The following TTBK2 variants were observed in gnomAD, a reference collection of about 807,000 sequenced individuals.
TTBK2 encodes tau tubulin kinase 2.
Under a neutral mutation model 110.8 loss-of-function variants are expected in TTBK2, and 28 were observed. The observed-to-expected ratio is 0.25, with a 90% CI of 0.19 to 0.35. TTBK2 has a LOEUF of 0.35. TTBK2 is among the 10% of genes least tolerant of loss of function. The pLI, the probability that TTBK2 is intolerant of heterozygous loss-of-function variation, is 1.00. For missense variants in TTBK2, 1,369 were observed against 1,500.3 expected (o/e 0.91, Z 1.45); for synonymous variants, 532 against 527.3 (o/e 1.01, Z -0.12).
At chr15:42,835,229 G>A (rs1051285955) in intron 4 of TTBK2, among the ~76,000 whole-genome samples, 1 of 152,100 alleles carries the variant, frequency 6.6e-6, no homozygotes, top group Non-Finnish European at 1.5e-5. Flanking sequence ...TAAAATGGAT[G>A]GATCAGACTG....
At chr15:42,771,128 C>A (rs140656577) in intron 13 of TTBK2, among the ~76,000 whole-genome samples, 62 of 152,138 alleles carry the variant, frequency 4.1e-4, no homozygotes, top group African/African-American at 1.5e-3. Context: ...GTGCTGCCAC[C>A]ACGCCTGGCT....
intron 3 of TTBK2, among the ~76,000 whole-genome samples, chr15:42,864,263 C>T (rs1207286643): frequency 1.3e-5 from 2 of 152,120 alleles, no homozygotes; most frequent in Non-Finnish European, 2.9e-5. Context: ...TATTTTAAAA[C>T]AGGCAAAGGA....
Position 42,865,624 on chromosome 15 carries a change from G to T in TTBK2, c.217+6987C>A, listed in dbSNP as rs554492138. On this transcript the variant is annotated intron_variant, in intron 3 of 14. Coordinates refer to ENST00000267890, the MANE Select transcript of TTBK2 (RefSeq NM_173500.4). ...GATCACCTGAGGCCAGGAGTTGGGG[G>T]CCGGTCTGGGCAACATAGCGAGACT... Among the ~76,000 whole-genome samples the T allele has an allele frequency of 2.1e-4, 32 of 151,464 alleles. 1 individual carries two copies. The highest frequency in any genetic ancestry group is 1.2e-3 in the Admixed American group (19 of 15,228).
At chr15:42,876,025 A>G (rs1254354047) in intron 2 of TTBK2, among the ~76,000 whole-genome samples, 1 of 151,820 alleles carries the variant, frequency 6.6e-6, no homozygotes, top group Non-Finnish European at 1.5e-5. Context: ...AGAGCTAAGG[A>G]CCTCAAGATA....
chr15:42,818,922 C>CAA (rs563663271), intron 6 of TTBK2, among the ~76,000 whole-genome samples: 6 of 119,716 alleles, frequency 5.0e-5, no homozygotes, highest in Non-Finnish European at 1.1e-4. Flanking sequence ...GACTCCGTCT[C>CAA]AAAAAAAAAA....
At chr15:42,919,648 G>T in intron 1 of TTBK2, 1 of 238,302 alleles carries the variant, frequency 4.2e-6, no homozygotes, top group Non-Finnish European at 6.8e-6. Flanking sequence ...CCTCTTTAAT[G>T]TTCAAAGAAA....
At chr15:42,783,283 C>G in intron 11 of TTBK2, 136 bp downstream of exon 11, 1 of 782,996 alleles carries the variant, frequency 1.3e-6, no homozygotes, top group Non-Finnish European at 2.2e-6. Context: ...TCCCCATCTA[C>G]CACATGAGGA....
At chr15:42,899,520 C>T (rs973952154) in intron 1 of TTBK2, among the ~76,000 whole-genome samples, 34 of 152,146 alleles carry the variant, frequency 2.2e-4, no homozygotes, top group Admixed American at 3.9e-4. Flanking sequence ...GCAGGCGGAT[C>T]ACGAGGTCAG....
At chr15:42,884,122 C>T (rs9806175) in intron 1 of TTBK2, among the ~76,000 whole-genome samples, 70,068 of 151,930 alleles carry the variant, frequency 0.46, 20,925 homozygotes, top group African/African-American at 0.86. Flanking sequence ...AAATAAAAAT[C>T]AATGAACTGA....
chr15:42,824,135 G>A lies in TTBK2; in HGVS notation c.537+3793C>T, dbSNP rs376064983. ...CACGACCCCTCCGCTCCCAAGGGAG[G>A]GGAGTGATCTATTCATGCGTGATCC... On this transcript the variant is annotated intron_variant, in intron 6 of 14. Coordinates refer to ENST00000267890, the MANE Select transcript of TTBK2 (RefSeq NM_173500.4). 7.0e-4 allele frequency among the ~76,000 whole-genome samples: 107 copies of A among 152,208 alleles called. 3 individuals carry two copies. In the South Asian group the frequency reaches 0.022, roughly 31 times the overall value.
intron 1 of TTBK2, among the ~76,000 whole-genome samples, chr15:42,907,797 G>C (rs1341403078): frequency 6.6e-6 from 1 of 151,710 alleles, no homozygotes; most frequent in African/African-American, 2.4e-5. Context: ...TTTTTGGCTG[G>C]GCATGGTGGC....
intron 2 of TTBK2, among the ~76,000 whole-genome samples, chr15:42,877,845 C>T (rs773934703): frequency 5.7e-4 from 86 of 152,014 alleles, no homozygotes; most frequent in Non-Finnish European, 1.1e-3. Flanking sequence ...TTTAGAGATA[C>T]ATACTGAAGT....
chr15:42,785,201 C>A (rs1890357674), intron 10 of TTBK2, among the ~76,000 whole-genome samples: 1 of 149,482 alleles, frequency 6.7e-6, no homozygotes, highest in Admixed American at 6.7e-5. Flanking sequence ...CTCACTGCAA[C>A]CTCCGCCCCC....
chr15:42,810,620 G>A lies in TTBK2; in HGVS notation c.816C>T (p.Asp272=). Residue 272 remains aspartate (D), a synonymous_variant, in exon 9 of 15, where the codon GAC becomes GAT. Coordinates refer to ENST00000267890, the MANE Select transcript of TTBK2 (RefSeq NM_173500.4). The part of the protein sequence containing the change: ...ISSLDYFTKP[D]YQLLTSVFDN... ...AACTCACAAAGATGGTTACCTGGTAGTCTGGTTTTGTAAAATAATCCAAAG... is the reference window on the plus strand; with the variant it reads ...AACTCACAAAGATGGTTACCTGGTAATCTGGTTTTGTAAAATAATCCAAAG... 1 of 1,613,878 alleles carries A rather than the reference G, an allele frequency of 6.2e-7. No individual in the cohort carries two copies. The highest frequency in any genetic ancestry group is 8.5e-7 in the Non-Finnish European group (1 of 1,179,872).
intron 11 of TTBK2, among the ~76,000 whole-genome samples, chr15:42,782,344 T>C (rs553470441): frequency 1.3e-5 from 2 of 152,344 alleles, no homozygotes; most frequent in Admixed American, 1.3e-4. Flanking sequence ...AGTGCTAGGA[T>C]TACAGGTGTG....
intron 3 of TTBK2, among the ~76,000 whole-genome samples, chr15:42,853,566 T>C (rs1405949746): frequency 6.6e-6 from 1 of 152,182 alleles, no homozygotes; most frequent in Non-Finnish European, 1.5e-5. Context: ...CTACTCAGGA[T>C]GGTACACTGA....
At chr15:42,791,020 G>A (rs939042695) in intron 10 of TTBK2, among the ~76,000 whole-genome samples, 9 of 152,028 alleles carry the variant, frequency 5.9e-5, no homozygotes, top group Non-Finnish European at 1.2e-4. Flanking sequence ...AGTAGCTAGG[G>A]CTATAGGCAC....
chr15:42,777,964 T>G (rs1487208520), intron 11 of TTBK2, among the ~76,000 whole-genome samples: 1 of 151,282 alleles, frequency 6.6e-6, no homozygotes, highest in Non-Finnish European at 1.5e-5. Context: ...AAGGAAAGTT[T>G]CCCCAAACCC....
In TTBK2 at chr15:42,862,399, G is replaced by A. The variant is rs556286864; in HGVS notation, c.217+10212C>T. ...AAGTTAATTCACCATGATCAAGTAG[G>A]CTTTATTCTTGGGATGCACAGTTGG... is the stretch of plus-strand genomic sequence containing the variant. On this transcript the variant is annotated intron_variant, in intron 3 of 14. Coordinates refer to ENST00000267890, the MANE Select transcript of TTBK2 (RefSeq NM_173500.4). 8.5e-5 allele frequency among the ~76,000 whole-genome samples: 13 copies of A among 152,220 alleles called. No individual in the cohort carries two copies. The East Asian group carries it at 2.3e-3, about 27-fold the overall frequency.
Sources: allele counts gnomAD v4.1 joint callset (sites outside exome capture counted in the v4.1 genomes callset), GRCh38; gene constraint gnomAD v4.1.1; transcripts MANE v1.5; gene names NCBI Gene and HGNC (gene_info 2026-07-23, HGNC 2026-07-21).